The following DNM2 variants were observed in gnomAD, a reference collection of about 807,000 sequenced individuals.
DNM2 encodes dynamin-2.
A neutral mutation model predicts 99.0 loss-of-function variants in DNM2; 15 were observed. The ratio of observed to expected loss-of-function variants is 0.15; its 90% CI spans 0.10 to 0.23. The LOEUF is 0.23. Among genes scored for constraint, DNM2 ranks in the 10% least tolerant of loss-of-function variants. DNM2 has a pLI of 1.00. For missense variants in DNM2, 742 were observed against 1,189.4 expected (o/e 0.62, Z 5.53); for synonymous variants, 525 against 481.2 (o/e 1.09, Z -1.19).
chr19:10,825,207 C>T lies in DNM2; in HGVS notation c.2044C>T (p.Leu682Phe), dbSNP rs1158522852. The T allele has an allele frequency of 1.2e-6, 2 of 1,613,976 alleles. No individual in the cohort carries two copies. Residue 682 changes from leucine to phenylalanine, a missense_variant, in exon 18 of 21, where the codon CTC becomes TTC. This residue lies in a region of DNM2 where 240 missense variants were observed against 431.3 expected (regional missense o/e 0.56). Transcript: ENST00000389253. ...RDLMPKTIMH[L>F]MINNTKAFIH... Reference sequence around the variant, plus strand: ...CCTCATGCCAAAGACCATCATGCACCTCATGATCAACAATGTGAGTGGAGA... The same window carrying T: ...CCTCATGCCAAAGACCATCATGCACTTCATGATCAACAATGTGAGTGGAGA...
intron 2 of DNM2, among the ~76,000 whole-genome samples, chr19:10,766,757 T>C (rs1222818655): frequency 6.6e-6 from 1 of 151,996 alleles, no homozygotes; most frequent in Non-Finnish European, 1.5e-5. Context: ...TAGGAGGCCC[T>C]GTGGTGGGCG....
intron 1 of DNM2, among the ~76,000 whole-genome samples, chr19:10,747,677 A>G (rs981230375): frequency 6.6e-6 from 1 of 152,140 alleles, no homozygotes; most frequent in African/African-American, 2.4e-5. Context: ...GGTACTGGGG[A>G]GAGAGCAGAG....
intron 5 of DNM2, among the ~76,000 whole-genome samples, chr19:10,778,191 C>T (rs1347437880): frequency 3.3e-5 from 5 of 151,870 alleles, no homozygotes; most frequent in African/African-American, 9.7e-5. Flanking sequence ...CCAGCCACCA[C>T]GCGTGGCTAA....
intron 1 of DNM2, among the ~76,000 whole-genome samples, chr19:10,747,038 A>ATT (rs776244156): frequency 4.5e-5 from 6 of 132,418 alleles, no homozygotes; most frequent in Non-Finnish European, 3.3e-5. Context: ...CACTCAACCA[A>ATT]TTTTTTTTTT....
intron 1 of DNM2, among the ~76,000 whole-genome samples, chr19:10,734,597 C>G (rs1234011243): frequency 2.2e-5 from 3 of 133,978 alleles, no homozygotes; most frequent in African/African-American, 8.6e-5. Flanking sequence ...GATGATTGCA[C>G]CATTGCACAC....
intron 10 of DNM2, 86 bp from the exon 11 acceptor site, chr19:10,798,400 C>T (rs1050334339): frequency 2.0e-6 from 2 of 1,012,418 alleles, no homozygotes; most frequent in Admixed American, 1.9e-5. Context: ...TCCCCACCCC[C>T]CTCCGCATTT....
At chr19:10,748,375 G>A (rs1316962534) in intron 1 of DNM2, among the ~76,000 whole-genome samples, 1 of 152,154 alleles carries the variant, frequency 6.6e-6, no homozygotes, top group Non-Finnish European at 1.5e-5. Flanking sequence ...GGTGGGTGAG[G>A]GCCAGGGGAG....
chr19:10,798,109 G>A (rs367881131), intron 10 of DNM2, among the ~76,000 whole-genome samples: 3 of 152,256 alleles, frequency 2.0e-5, no homozygotes, highest in East Asian at 1.9e-4. Context: ...TAGAACAGAC[G>A]CTACTCACTC....
chr19:10,748,769 C>T (rs2070087633), intron 1 of DNM2, among the ~76,000 whole-genome samples: 1 of 152,210 alleles, frequency 6.6e-6, no homozygotes, highest in African/African-American at 2.4e-5. Flanking sequence ...TTGGCCCTGG[C>T]ATCCTTGTGA....
In DNM2 at chr19:10,830,899, G is replaced by A; in HGVS notation, c.2544-79G>A. 4 of 1,507,270 alleles carry A rather than the reference G, an allele frequency of 2.7e-6. No individual in the cohort carries two copies. Among genetic ancestry groups the A allele is most frequent in the Non-Finnish European group, 1.8e-6 (2 of 1,117,004 alleles). 93.4% of individuals were successfully genotyped at this position (1,507,270 alleles called of 1,614,324 possible). A position where few individuals can be genotyped will look rare whatever the true frequency, so the allele number is the denominator to read the frequency against. Reference sequence around the variant, plus strand: ...GGGGTGGTGTGTGGGTGGGGGCTGGGTCCTCAACCCAGGCCTGCCTCTTGC... The same window carrying A: ...GGGGTGGTGTGTGGGTGGGGGCTGGATCCTCAACCCAGGCCTGCCTCTTGC... On this transcript the variant is annotated intron_variant, in intron 20 of 20. Transcript: ENST00000389253. This position sits in a 1 kb window ranked among gnomAD's most constrained non-coding sequence, Gnocchi z 4.8.
intron 1 of DNM2, among the ~76,000 whole-genome samples, chr19:10,722,496 C>T (rs956178197): frequency 7.9e-5 from 12 of 152,212 alleles, no homozygotes; most frequent in African/African-American, 2.9e-4. Context: ...AGGCACCCGC[C>T]ACCACGCCTG....
At position 10,831,307 on chromosome 19, in the gene DNM2, G is replaced by T. The variant is rs759626404; in HGVS notation, c.*260G>T. ...GGGATGGAGTCTCAGGGTGGCAGAG[G>T]GGGGACCAGAACCCTTGACACCATC... On this transcript the variant is annotated 3_prime_UTR_variant, in exon 21 of 21. Coordinates refer to ENST00000389253, the MANE Select transcript of DNM2 (RefSeq NM_001005361.3). The surrounding 1 kb of genome is among the most constrained non-coding windows in gnomAD (Gnocchi z 4.3). The T allele has an allele frequency of 2.4e-6, 3 of 1,273,284 alleles. No individual in the cohort carries two copies. Among genetic ancestry groups the T allele is most frequent in the African/African-American group, 1.6e-5 (1 of 64,306 alleles). The allele number at this position is 1,273,284 out of a possible 1,614,324, so 78.9% of individuals were successfully genotyped here.
intron 1 of DNM2, among the ~76,000 whole-genome samples, chr19:10,724,096 A>AAAGGAGAAACATGGTTG (rs1555696972): frequency 0.054 from 8,224 of 150,980 alleles, 588 homozygotes; most frequent in East Asian, 0.32. Flanking sequence ...AAAAAAAAAA[A>AAAGGAGAAACATGGTTG]AAGGCGATAA....
intron 1 of DNM2, among the ~76,000 whole-genome samples, chr19:10,743,986 G>A (rs77492417): frequency 0.012 from 1,279 of 106,476 alleles, 19 homozygotes; most frequent in Admixed American, 0.041. Context: ...ACTGTTTCCA[G>A]AAAAAAAAAA....
chr19:10,786,709 A>G lies in DNM2; in HGVS notation c.992+3A>G, dbSNP rs1053695479. ...CGCAAAACCAAAGCCCTGCTGCAGT[A>G]TGTACCCCGGCACCCACCACCACCA... On this transcript the variant is annotated splice_donor_region_variant and intron_variant, in intron 7 of 20. Coordinates refer to ENST00000389253, the MANE Select transcript of DNM2 (RefSeq NM_001005361.3). 6 of 1,613,942 alleles carry G rather than the reference A, an allele frequency of 3.7e-6. No individual in the cohort carries two copies. Among genetic ancestry groups the G allele is most frequent in the African/African-American group, 1.3e-5 (1 of 74,978 alleles).
At position 10,820,151 on chromosome 19, in the gene DNM2, C is replaced by T; in HGVS notation, c.1781+62C>T. On this transcript the variant is annotated intron_variant, in intron 16 of 20. Coordinates refer to ENST00000389253, the MANE Select transcript of DNM2 (RefSeq NM_001005361.3). The surrounding 1 kb of genome is among the most constrained non-coding windows in gnomAD (Gnocchi z 4.3). ...AAGACCAATGGCCTCATTCACACTC[C>T]ACAACCTTCACTGAGCACTGAGCAC... The T allele has an allele frequency of 2.7e-6, 4 of 1,503,168 alleles. No homozygotes were observed. The highest frequency in any genetic ancestry group is 3.7e-6 in the Non-Finnish European group (4 of 1,081,514). 93.1% of individuals were successfully genotyped at this position (1,503,168 alleles called of 1,614,324 possible).
chr19:10,824,137 C>G (rs570843202), intron 17 of DNM2: 41 of 551,746 alleles, frequency 7.4e-5, no homozygotes, highest in Non-Finnish European at 1.3e-4. Flanking sequence ...GTCCCACTTG[C>G]TTTGTTCTCT....
At chr19:10,730,534 G>A (rs1318608473) in intron 1 of DNM2, among the ~76,000 whole-genome samples, 1 of 152,060 alleles carries the variant, frequency 6.6e-6, no homozygotes, top group Non-Finnish European at 1.5e-5. Flanking sequence ...GCACAGTCAT[G>A]GAGGGGACCA....
Position 10,811,961 on chromosome 19 carries a change from A to G in DNM2, c.1558-303A>G. ...GTCACATTTCATGTGCCACAGCCCC[A>G]CACACAAGCCCCAGGGACTCCTCCC... On this transcript the variant is annotated intron_variant, in intron 14 of 20. Transcript: ENST00000389253. This position sits in a 1 kb window ranked among gnomAD's most constrained non-coding sequence, Gnocchi z 5.4. 2.1e-6 allele frequency: 1 copy of G among 466,876 alleles called. No individual in the cohort carries two copies. Among genetic ancestry groups the G allele is most frequent in the South Asian group, 1.6e-5 (1 of 64,354 alleles). The allele number at this position is 466,876 out of a possible 1,614,324, so 28.9% of individuals were successfully genotyped here. A position where few individuals can be genotyped will look rare whatever the true frequency, so the allele number is the denominator to read the frequency against.
Sources: allele counts gnomAD v4.1 joint callset (sites outside exome capture counted in the v4.1 genomes callset), GRCh38; gene constraint gnomAD v4.1.1; regional missense constraint gnomAD v4.1.1; non-coding constraint Gnocchi (gnomAD v3.1); transcripts MANE v1.5; gene names NCBI Gene and HGNC (gene_info 2026-07-23, HGNC 2026-07-21).